GRM7: variants seen among roughly 807,000 people sequenced by gnomAD.
GRM7 encodes the protein glutamate metabotropic receptor 7.
A neutral mutation model predicts 84.5 loss-of-function variants in GRM7; 35 were observed. That is an observed-to-expected ratio of 0.41 (90% CI 0.32 to 0.55). The LOEUF is 0.55. Among genes scored for constraint, GRM7 ranks in the 20% least tolerant of loss-of-function variants. The pLI, the probability that GRM7 is intolerant of heterozygous loss-of-function variation, is 0.19. For missense variants in GRM7, 1,003 were observed against 1,194.6 expected, an observed-to-expected ratio of 0.84 and a Z score of 2.36; for synonymous variants, 487 against 455.1, an observed-to-expected ratio of 1.07 and a Z score of -0.89.
chr3:7,604,312 A>C (rs1213471159), intron 8 of GRM7, among the ~76,000 whole-genome samples: 1 of 152,190 alleles, frequency 6.6e-6, no homozygotes, highest in East Asian at 1.9e-4. Context: ...GCATTCATTT[A>C]CTATAGAGGA....
At chr3:7,007,698 A>G (rs1439356859) in intron 1 of GRM7, among the ~76,000 whole-genome samples, 6 of 152,210 alleles carry the variant, frequency 3.9e-5, no homozygotes. Flanking sequence ...TTTATTTATG[A>G]AAGAGTTTTA....
At chr3:7,600,040 C>G (rs1188188304) in intron 8 of GRM7, among the ~76,000 whole-genome samples, 2 of 152,136 alleles carry the variant, frequency 1.3e-5, no homozygotes, top group Admixed American at 6.6e-5. Context: ...TTTACTGAAG[C>G]TACTAAACTG....
At chr3:7,266,347 A>G (rs1269488613) in intron 2 of GRM7, among the ~76,000 whole-genome samples, 1 of 152,212 alleles carries the variant, frequency 6.6e-6, no homozygotes. Context: ...CACCTAAATT[A>G]CTGCATGAAA....
At chr3:7,084,974 TA>T (rs1478052570) in intron 1 of GRM7, among the ~76,000 whole-genome samples, 1 of 152,152 alleles carries the variant, frequency 6.6e-6, no homozygotes, top group Non-Finnish European at 1.5e-5. Context: ...GCCCAGAAAT[TA>T]AAAATCATTC....
chr3:7,514,749 A>T (rs938639358), intron 7 of GRM7, among the ~76,000 whole-genome samples: 2 of 152,178 alleles, frequency 1.3e-5, no homozygotes, highest in Non-Finnish European at 2.9e-5. Context: ...GTGCAATATA[A>T]ATCCACTGTG....
chr3:7,729,767 G>A (rs753946661), intron 9 of GRM7, among the ~76,000 whole-genome samples: 6 of 151,634 alleles, frequency 4.0e-5, no homozygotes, highest in Non-Finnish European at 7.4e-5. Flanking sequence ...GTGCAATGGC[G>A]CAATCTCGGC....
At chr3:7,610,371 C>T (rs935470896) in intron 8 of GRM7, among the ~76,000 whole-genome samples, 19 of 152,178 alleles carry the variant, frequency 1.2e-4, no homozygotes, top group African/African-American at 4.6e-4. Flanking sequence ...TTGCCAGCAG[C>T]CCTGCTGTCA....
At position 7,000,956 on chromosome 3, in the gene GRM7, C is replaced by T. The variant is rs577557327; in HGVS notation, c.519+139049C>T. Among the ~76,000 whole-genome samples, 8 of 151,996 alleles carry T rather than the reference C, an allele frequency of 5.3e-5. 1 individual carries two copies. The highest frequency in any genetic ancestry group is 3.3e-4 in the Admixed American group (5 of 15,262). On this transcript the variant is annotated intron_variant, in intron 1 of 9. Transcript: ENST00000357716. ...ATCAATGAACAGAAAAAACAGGAAACGAAGATTGGAAAAAATATAGTATGC... is the reference window on the plus strand; with the variant it reads ...ATCAATGAACAGAAAAAACAGGAAATGAAGATTGGAAAAAATATAGTATGC...
intron 1 of GRM7, among the ~76,000 whole-genome samples, chr3:6,969,163 G>C (rs988910963): frequency 2.0e-5 from 3 of 151,110 alleles, no homozygotes; most frequent in East Asian, 1.9e-4. Context: ...TGCTTTTTTT[G>C]TTAATTTTTG....
chr3:7,421,536 T>C (rs1394943525), intron 5 of GRM7, among the ~76,000 whole-genome samples: 1 of 150,258 alleles, frequency 6.7e-6, no homozygotes, highest in Non-Finnish European at 1.5e-5. Context: ...TACAAAGAGA[T>C]TTTTTTTTAA....
intron 9 of GRM7, among the ~76,000 whole-genome samples, chr3:7,706,063 G>A (rs116580768): frequency 1.3e-5 from 2 of 152,106 alleles, no homozygotes; most frequent in African/African-American, 4.8e-5. Context: ...CACTGGAGAT[G>A]AATTAACTTT....
At chr3:7,475,653 G>A (rs1391901) in intron 7 of GRM7, among the ~76,000 whole-genome samples, 52,804 of 151,956 alleles carry the variant, frequency 0.35, 9,710 homozygotes, top group African/African-American at 0.47. Context: ...TCTATAACGA[G>A]AGGAGGCTTG....
intron 1 of GRM7, among the ~76,000 whole-genome samples, chr3:7,138,640 T>C (rs1693846425): frequency 6.6e-6 from 1 of 151,906 alleles, no homozygotes; most frequent in Non-Finnish European, 1.5e-5. Context: ...TGCAAATGAC[T>C]AAAGATTGAA....
At chr3:7,487,117 T>C (rs940784772) in intron 7 of GRM7, among the ~76,000 whole-genome samples, 16 of 152,168 alleles carry the variant, frequency 1.1e-4, no homozygotes, top group African/African-American at 3.6e-4. Context: ...TAGGGCTTTA[T>C]GGAAGGCAGA....
chr3:6,981,984 A>G (rs1694223740), intron 1 of GRM7, among the ~76,000 whole-genome samples: 1 of 152,186 alleles, frequency 6.6e-6, no homozygotes, highest in Admixed American at 6.5e-5. Flanking sequence ...TGTTAAAAAC[A>G]CACATGCACT....
intron 7 of GRM7, among the ~76,000 whole-genome samples, chr3:7,525,150 GAT>G (rs1700743994): frequency 6.6e-6 from 1 of 151,542 alleles, no homozygotes; most frequent in African/African-American, 2.4e-5. Context: ...AGCATTAGGA[GAT>G]ATACCTAATG....
Position 7,306,652 on chromosome 3 carries a change from G to C in GRM7, c.1033G>C (p.Gly345Arg). 6.3e-7 allele frequency: 1 copy of C among 1,590,018 alleles called. No homozygotes were observed. The highest frequency in any genetic ancestry group is 8.6e-7 in the Non-Finnish European group (1 of 1,167,398). The change falls in exon 4 of 10, where the codon GGG becomes CGG. Residue 345 changes from glycine (G) to arginine (R), a missense_variant and splice_region_variant. Physicochemically the swap from Gly to Arg is moderately radical, Grantham distance 125. Coordinates refer to ENST00000357716, the MANE Select transcript of GRM7 (RefSeq NM_000844.4). ...TIQPKRATVE[G>R]FDAYFTSRTL... ...TCAGCCCAAGCGAGCCACGGTGGAAGGTATGGGTTTCATCAGCAGTAGGTT... is the reference window on the plus strand; with the variant it reads ...TCAGCCCAAGCGAGCCACGGTGGAACGTATGGGTTTCATCAGCAGTAGGTT...
At chr3:7,306,356 G>T (rs1216349568) in intron 3 of GRM7, 142 bp from the exon 4 acceptor site, 6 of 655,862 alleles carry the variant, frequency 9.1e-6, no homozygotes, top group Non-Finnish European at 1.6e-5. Flanking sequence ...ATATATTAGG[G>T]ATATAAATTC....
intron 4 of GRM7, among the ~76,000 whole-genome samples, chr3:7,320,275 T>C (rs912344495): frequency 1.3e-5 from 2 of 151,982 alleles, no homozygotes; most frequent in Non-Finnish European, 2.9e-5. Context: ...GAGAAAAGCA[T>C]ACAAATCTAT....
Sources: allele counts gnomAD v4.1 joint callset (sites outside exome capture counted in the v4.1 genomes callset), GRCh38; gene constraint gnomAD v4.1.1; transcripts MANE v1.5; gene names NCBI Gene and HGNC (gene_info 2026-07-23, HGNC 2026-07-21).